The following ITGA2 variants were observed in gnomAD, a reference collection of about 807,000 sequenced individuals.
ITGA2 encodes the protein integrin subunit alpha 2.
Under a neutral mutation model 146.3 loss-of-function variants are expected in ITGA2, and 101 were observed. The observed-to-expected ratio is 0.69, with a 90% CI of 0.59 to 0.81. The LOEUF is 0.81. ITGA2 is among the 40% of genes least tolerant of loss of function. The pLI, the probability that ITGA2 is intolerant of heterozygous loss-of-function variation, is 0.00. For synonymous variants in ITGA2, 477 were observed against 487.1 expected (o/e 0.98, Z 0.27); for missense variants, 1,281 against 1,402.7 (o/e 0.91, Z 1.39).
chr5:53,033,821 T>C (rs560313550), intron 2 of ITGA2, among the ~76,000 whole-genome samples: 2 of 151,478 alleles, frequency 1.3e-5, no homozygotes, highest in Non-Finnish European at 2.9e-5. Context: ...TGGAGTGCAG[T>C]AGGGCAATCT....
chr5:53,089,997 G>C lies in ITGA2; in HGVS notation c.3400G>C (p.Val1134Leu), dbSNP rs1267372719. The C allele has an allele frequency of 6.2e-7, 1 of 1,613,654 alleles. No individual in the cohort carries two copies. Among genetic ancestry groups the C allele is most frequent in the African/African-American group, 1.3e-5 (1 of 75,030 alleles). Residue 1134 changes from valine to leucine, a missense_variant, in exon 29 of 30, where the codon GTT (valine) becomes CTT (leucine). By Grantham distance (32) the Val-to-Leu change is conservative. Transcript: ENST00000296585. The stretch of plus-strand genomic sequence containing the variant: ...TGAGAAAGCCGAAGTACCAACAGGA[G>C]TTATAATAGGAAGTATAATTGCTGG... ...PDEKAEVPTGVIIGSIIAGIL... is the reference protein window; with the variant it reads ...PDEKAEVPTGLIIGSIIAGIL...
chr5:53,070,411 A>C (rs1050694972), intron 17 of ITGA2, 151 bp downstream of exon 17: 2 of 707,818 alleles, frequency 2.8e-6, no homozygotes, highest in Non-Finnish European at 4.9e-6. Flanking sequence ...AAGCATATTT[A>C]CTTTATGCTA....
At chr5:53,058,885 G>A (rs1287931614) in intron 10 of ITGA2, among the ~76,000 whole-genome samples, 3 of 151,888 alleles carry the variant, frequency 2.0e-5, no homozygotes, top group Admixed American at 1.3e-4. Context: ...ATCTATGCAC[G>A]GAGAATTTTG....
intron 1 of ITGA2, among the ~76,000 whole-genome samples, chr5:53,002,792 A>G (rs868526305): frequency 6.6e-6 from 1 of 152,192 alleles, no homozygotes; most frequent in Non-Finnish European, 1.5e-5. Flanking sequence ...GCCATCTGTA[A>G]TGTGGAATTT....
intron 9 of ITGA2, 58 bp from the exon 10 acceptor site, chr5:53,057,967 T>C (rs926886960): frequency 5.3e-6 from 7 of 1,324,998 alleles, no homozygotes; most frequent in Non-Finnish European, 2.2e-6. Context: ...TGCTTGTGTT[T>C]GAAAACTTGA....
intron 2 of ITGA2, among the ~76,000 whole-genome samples, chr5:53,040,959 T>A (rs1743765853): frequency 6.6e-6 from 1 of 152,084 alleles, no homozygotes; most frequent in Non-Finnish European, 1.5e-5. Flanking sequence ...ATATATCTAG[T>A]TTTACTAGAT....
At chr5:53,060,729 GCAATT>G (rs1207792738) in intron 11 of ITGA2, among the ~76,000 whole-genome samples, 167 bp from the exon 12 acceptor site, 2 of 151,944 alleles carry the variant, frequency 1.3e-5, no homozygotes, top group African/African-American at 4.8e-5. Flanking sequence ...AAGGACAGGA[GCAATT>G]CATCTTAGAA....
At chr5:53,082,735 G>A (rs1405874032) in intron 26 of ITGA2, among the ~76,000 whole-genome samples, 2 of 152,034 alleles carry the variant, frequency 1.3e-5, no homozygotes, top group South Asian at 2.1e-4. Context: ...TAAAATCCAC[G>A]CTGTGGAATT....
At chr5:53,077,949 C>T (rs764270178) in intron 23 of ITGA2, among the ~76,000 whole-genome samples, 1 of 152,066 alleles carries the variant, frequency 6.6e-6, no homozygotes, top group Non-Finnish European at 1.5e-5. Context: ...CCTCACTGCT[C>T]ATCCCCTAAT....
chr5:52,989,473 G>T lies in ITGA2; in HGVS notation c.5G>T (p.Gly2Val), dbSNP rs751261318. Residue 2 changes from glycine to valine, a missense_variant, in exon 1 of 30, where the codon GGG becomes GTG. By Grantham distance (109) the Gly-to-Val change is moderately radical. Around this residue, in one of 3 missense-constraint regions of ITGA2, gnomAD observed 795 missense variants for 841.7 expected, o/e 0.94. Transcript: ENST00000296585. M[G>V]PERTGAAPLP... Reference sequence around the variant, plus strand: ...GGTCCCCCGGTCAGACCCAGGATGGGGCCAGAACGGACAGGGGCCGCGCCG... The same window carrying T: ...GGTCCCCCGGTCAGACCCAGGATGGTGCCAGAACGGACAGGGGCCGCGCCG... The T allele has an allele frequency of 9.3e-6, 15 of 1,614,196 alleles. No individual in the cohort carries two copies. Among genetic ancestry groups the T allele is most frequent in the Non-Finnish European group, 1.3e-5 (15 of 1,180,012 alleles).
chr5:53,027,799 T>C (rs1743025762), intron 2 of ITGA2, among the ~76,000 whole-genome samples: 1 of 152,168 alleles, frequency 6.6e-6, no homozygotes, highest in Admixed American at 6.5e-5. Flanking sequence ...CCGTAATGTA[T>C]GGCCAAGTGC....
intron 7 of ITGA2, 85 bp downstream of exon 7, chr5:53,051,644 CAAAG>C (rs952492293): frequency 2.3e-5 from 32 of 1,376,194 alleles, no homozygotes; most frequent in South Asian, 1.7e-4. Flanking sequence ...AAGGAAAAGA[CAAAG>C]AAAAATAATA....
chr5:53,070,049 G>A, intron 16 of ITGA2, 60 bp from the exon 17 acceptor site: 3 of 1,369,702 alleles, frequency 2.2e-6, no homozygotes, highest in Non-Finnish European at 3.1e-6. Context: ...ATAAAGCAAA[G>A]ATGCTTTTTC....
chr5:53,014,687 T>G (rs528640486), intron 1 of ITGA2, among the ~76,000 whole-genome samples: 1 of 152,150 alleles, frequency 6.6e-6, no homozygotes, highest in African/African-American at 2.4e-5. Flanking sequence ...CAGCTCTTCT[T>G]TATACATCTG....
intron 4 of ITGA2, among the ~76,000 whole-genome samples, chr5:53,047,057 TC>T (rs1408893438): frequency 6.6e-6 from 1 of 152,240 alleles, no homozygotes; most frequent in Non-Finnish European, 1.5e-5. Flanking sequence ...ATGACTTTCT[TC>T]TAATTAATTG....
chr5:53,081,513 T>C (rs1745914002), intron 25 of ITGA2, 79 bp from the exon 26 acceptor site: 3 of 1,111,946 alleles, frequency 2.7e-6, no homozygotes, highest in African/African-American at 3.1e-5. Context: ...CAAGTGACAG[T>C]AGGATTTCCT....
intron 1 of ITGA2, among the ~76,000 whole-genome samples, chr5:53,013,111 C>A (rs1319992531): frequency 6.6e-6 from 1 of 152,078 alleles, no homozygotes; most frequent in African/African-American, 2.4e-5. Flanking sequence ...TTAATTAGGT[C>A]TCACTTGTCA....
intron 1 of ITGA2, among the ~76,000 whole-genome samples, chr5:53,010,702 T>G (rs1424201673): frequency 1.3e-5 from 2 of 152,160 alleles, no homozygotes; most frequent in African/African-American, 4.8e-5. Flanking sequence ...CCTTAAAGAA[T>G]GTATTTTGCA....
chr5:53,052,537 C>G (rs3021373), intron 7 of ITGA2, among the ~76,000 whole-genome samples: 16,876 of 151,974 alleles, frequency 0.11, 1,145 homozygotes, highest in African/African-American at 0.19. Flanking sequence ...CTTCTTTTTA[C>G]CACCATAATT....
Sources: gnomAD v4.1 joint callset for allele counts (sites outside exome capture counted in the v4.1 genomes callset) on GRCh38, gnomAD v4.1.1 for gene constraint, gnomAD v4.1.1 regional missense constraint, MANE v1.5 for transcripts, NCBI Gene and HGNC (gene_info 2026-07-23, HGNC 2026-07-21) for gene names.